CDH13: variants seen among roughly 807,000 people sequenced by gnomAD.
CDH13 encodes the protein cadherin-13.
Under a neutral mutation model 63.8 loss-of-function variants are expected in CDH13, and 24 were observed. The observed-to-expected ratio is 0.38, with a 90% CI of 0.27 to 0.53. The LOEUF is 0.53. CDH13 is among the 20% of genes least tolerant of loss of function. CDH13 has a pLI of 0.85. For missense variants in CDH13, 1,049 were observed against 903.1 expected (o/e 1.16, Z -2.07); for synonymous variants, 503 against 355.3 (o/e 1.42, Z -4.67).
At chr16:83,551,996 A>T (rs998682738) in intron 7 of CDH13, among the ~76,000 whole-genome samples, 1 of 152,222 alleles carries the variant, frequency 6.6e-6, no homozygotes, top group Non-Finnish European at 1.5e-5. Context: ...AATGGGTTAG[A>T]TGCATGACAA....
At position 82,798,660 on chromosome 16, in the gene CDH13, G is replaced by T. The variant is rs118099749; in HGVS notation, c.46-59702G>T. 3.8e-3 allele frequency among the ~76,000 whole-genome samples: 580 copies of T among 152,266 alleles called. 4 individuals carry two copies. The highest frequency in any genetic ancestry group is 7.3e-3 in the Admixed American group (111 of 15,288). ...GTTACAAGCACAAATGTCCATAGGA[G>T]CTGGGTAGTTACTGTGAATAAGTGC... On this transcript the variant is annotated intron_variant, in intron 1 of 13. Coordinates refer to ENST00000567109, the MANE Select transcript of CDH13 (RefSeq NM_001257.5).
At chr16:83,011,357 A>G (rs986068622) in intron 2 of CDH13, among the ~76,000 whole-genome samples, 2 of 152,208 alleles carry the variant, frequency 1.3e-5, no homozygotes, top group African/African-American at 2.4e-5. Flanking sequence ...GGCTGAATAA[A>G]TATTAAATAT....
chr16:83,686,580 G>T (rs979757121), intron 10 of CDH13, among the ~76,000 whole-genome samples: 1 of 152,152 alleles, frequency 6.6e-6, no homozygotes, highest in Non-Finnish European at 1.5e-5. Context: ...ACTATTTGTA[G>T]CTCTCACCTT....
rs933150273 is a variant in CDH13 at position 82,691,062 on chromosome 16, T to G, written c.45+63925T>G. Among the ~76,000 whole-genome samples the G allele has an allele frequency of 6.0e-4, 92 of 152,340 alleles. 1 individual carries two copies. Among genetic ancestry groups the G allele is most frequent in the African/African-American group, 2.1e-3 (86 of 41,576 alleles). ...GAAACACCTAGATTTTGGATTCATT[T>G]ACACATTCAGCAAATATTTATTGGG... On this transcript the variant is annotated intron_variant, in intron 1 of 13. Transcript: ENST00000567109.
At chr16:82,894,199 C>T (rs895787890) in intron 2 of CDH13, among the ~76,000 whole-genome samples, 1 of 152,140 alleles carries the variant, frequency 6.6e-6, no homozygotes, top group Non-Finnish European at 1.5e-5. Context: ...AAGCAATCCA[C>T]CTGTCTTGGC....
intron 5 of CDH13, among the ~76,000 whole-genome samples, chr16:83,318,868 G>A (rs1391090991): frequency 2.0e-5 from 3 of 152,096 alleles, no homozygotes; most frequent in Non-Finnish European, 4.4e-5. Context: ...ATCGAATCCT[G>A]TGCTAGATGC....
At chr16:82,746,482 G>C (rs562507296) in intron 1 of CDH13, among the ~76,000 whole-genome samples, 27 of 152,006 alleles carry the variant, frequency 1.8e-4, no homozygotes, top group African/African-American at 3.9e-4. Context: ...CTACAAATGA[G>C]AACTGAAGAA....
intron 8 of CDH13, among the ~76,000 whole-genome samples, chr16:83,620,566 C>T (rs1319629823): frequency 2.0e-5 from 3 of 152,236 alleles, no homozygotes; most frequent in African/African-American, 7.2e-5. Flanking sequence ...ATAACGCCAA[C>T]CACAGGCAGC....
chr16:83,557,279 T>G (rs1204406806), intron 7 of CDH13, among the ~76,000 whole-genome samples: 1 of 152,134 alleles, frequency 6.6e-6, no homozygotes, highest in African/African-American at 2.4e-5. Flanking sequence ...TCCCACAGAT[T>G]CCACATTATG....
At chr16:82,766,358 A>G (rs916813468) in intron 1 of CDH13, among the ~76,000 whole-genome samples, 11 of 152,222 alleles carry the variant, frequency 7.2e-5, no homozygotes, top group African/African-American at 2.7e-4. Context: ...TCTTGCCTGA[A>G]TACTGAAGAA....
chr16:83,626,168 T>C (rs1041500730), intron 8 of CDH13, among the ~76,000 whole-genome samples: 1 of 152,144 alleles, frequency 6.6e-6, no homozygotes, highest in Admixed American at 6.5e-5. Flanking sequence ...TTGCTTCTTA[T>C]TCCTGAGCTT....
At chr16:83,378,236 AAAC>A (rs1450899082) in intron 6 of CDH13, among the ~76,000 whole-genome samples, 2 of 152,142 alleles carry the variant, frequency 1.3e-5, no homozygotes, top group Non-Finnish European at 2.9e-5. Flanking sequence ...ATAGATGACA[AAAC>A]AACAACTGAG....
intron 7 of CDH13, among the ~76,000 whole-genome samples, chr16:83,577,771 C>T (rs922788442): frequency 3.3e-5 from 5 of 152,116 alleles, no homozygotes; most frequent in Non-Finnish European, 7.4e-5. Flanking sequence ...TTATATTTTG[C>T]TCTGATAATA....
intron 1 of CDH13, among the ~76,000 whole-genome samples, chr16:82,837,261 G>A (rs1026412966): frequency 3.9e-5 from 6 of 152,144 alleles, no homozygotes; most frequent in African/African-American, 1.2e-4. Flanking sequence ...GTAAAATAGT[G>A]GTGGTGAGCA....
intron 5 of CDH13, among the ~76,000 whole-genome samples, chr16:83,223,236 A>G (rs748966297): frequency 6.6e-6 from 1 of 152,218 alleles, no homozygotes; most frequent in Non-Finnish European, 1.5e-5. Context: ...TTGTAAGGCC[A>G]TTCTCTTCTT....
intron 4 of CDH13, among the ~76,000 whole-genome samples, chr16:83,156,736 TC>T (rs1481586085): frequency 4.6e-5 from 7 of 152,110 alleles, no homozygotes; most frequent in African/African-American, 1.7e-4. Flanking sequence ...TGAAGGACCC[TC>T]CCCCAGCCTC....
chr16:82,872,011 A>G (rs1247237408), intron 2 of CDH13, among the ~76,000 whole-genome samples: 2 of 152,180 alleles, frequency 1.3e-5, no homozygotes, highest in Non-Finnish European at 2.9e-5. Flanking sequence ...AAAATTCTGT[A>G]CTTCTCTTAG....
At chr16:83,396,094 T>C (rs546860867) in intron 6 of CDH13, among the ~76,000 whole-genome samples, 2 of 152,330 alleles carry the variant, frequency 1.3e-5, no homozygotes, top group South Asian at 4.1e-4. Context: ...GGCCTCCAGT[T>C]CTGTCCATGT....
At chr16:82,694,986 T>G (rs893705464) in intron 1 of CDH13, among the ~76,000 whole-genome samples, 2 of 152,048 alleles carry the variant, frequency 1.3e-5, no homozygotes, top group Non-Finnish European at 2.9e-5. Context: ...AAACACATAA[T>G]GGTGCATGTG....
Sources: allele counts gnomAD v4.1 joint callset (sites outside exome capture counted in the v4.1 genomes callset), GRCh38; gene constraint gnomAD v4.1.1; transcripts MANE v1.5; gene names NCBI Gene and HGNC (gene_info 2026-07-23, HGNC 2026-07-21).